Variants in PML observed in about 807,000 individuals in gnomAD.
The protein encoded by PML is protein PML.
Under a neutral mutation model 65.2 loss-of-function variants are expected in PML, and 28 were observed. The observed-to-expected ratio is 0.43, with a 90% CI of 0.32 to 0.59. The LOEUF (loss-of-function observed/expected upper bound fraction) is 0.59, where lower values mean the gene tolerates loss of function less well. Among genes scored for constraint, PML ranks in the 20% least tolerant of loss-of-function variants. PML has a pLI of 0.08. For missense variants in PML, 1,021 were observed against 1,203.4 expected, an observed-to-expected ratio of 0.85 and a Z score of 2.24; for synonymous variants, 500 against 508.8, an observed-to-expected ratio of 0.98 and a Z score of 0.23.
rs2141895954 is a variant in PML at position 74,042,453 on chromosome 15, A to G, written c.1711-536A>G. ...TCCAAAGAATCATCTGGGGTTCAAG[A>G]TGAGGCTTCTTTCTCCCGTCCCAAG... On this transcript the variant is annotated intron_variant, in intron 7 of 8. Transcript: ENST00000268058. This position sits in a 1 kb window ranked among gnomAD's most constrained non-coding sequence, Gnocchi z 5.3. 1 of 985,398 alleles carries G rather than the reference A, an allele frequency of 1.0e-6. No homozygotes were observed. The allele number at this position is 985,398 out of a possible 1,614,324, so 61.0% of individuals were successfully genotyped here.
chr15:74,039,528 C>CA (rs1356724555), intron 7 of PML, among the ~76,000 whole-genome samples: 7 of 152,160 alleles, frequency 4.6e-5, no homozygotes, highest in African/African-American at 1.7e-4. Flanking sequence ...TGCTGACTAT[C>CA]AGAGTTTGGC....
intron 5 of PML, 110 bp from the exon 6 acceptor site, chr15:74,033,046 A>G: frequency 1.7e-6 from 2 of 1,147,272 alleles, no homozygotes; most frequent in South Asian, 2.5e-5. Flanking sequence ...AGCAGAGGAG[A>G]GGGGACAGCA....
chr15:74,030,316 T>C (rs2071261859), intron 4 of PML, among the ~76,000 whole-genome samples: 1 of 151,826 alleles, frequency 6.6e-6, no homozygotes, highest in South Asian at 2.1e-4. Flanking sequence ...GTAAAGAAAA[T>C]GAAGAGCACG....
chr15:74,002,189 T>C (rs1036185357), intron 2 of PML, among the ~76,000 whole-genome samples: 2 of 152,114 alleles, frequency 1.3e-5, no homozygotes, highest in Non-Finnish European at 2.9e-5. Context: ...GAGTTCTACA[T>C]CTAAGACTAT....
chr15:74,034,723 A>G (rs1332149834), intron 7 of PML, 193 bp downstream of exon 7: 2 of 1,508,580 alleles, frequency 1.3e-6, no homozygotes, highest in Admixed American at 2.1e-5. Flanking sequence ...CAGCCCTCCC[A>G]CTACACCAGG....
At chr15:74,013,451 C>T (rs756665580) in intron 2 of PML, among the ~76,000 whole-genome samples, 16 of 152,224 alleles carry the variant, frequency 1.1e-4, no homozygotes, top group Non-Finnish European at 2.1e-4. Context: ...ATTTATGTCA[C>T]ACAAGGAGTT....
chr15:74,010,822 G>C (rs2070302316), intron 2 of PML, among the ~76,000 whole-genome samples: 1 of 152,228 alleles, frequency 6.6e-6, no homozygotes, highest in South Asian at 2.1e-4. Flanking sequence ...TGCTGTGGCA[G>C]TTTTCAGAAG....
chr15:74,041,177 G>A (rs1386658859), intron 7 of PML, among the ~76,000 whole-genome samples: 1 of 152,222 alleles, frequency 6.6e-6, no homozygotes, highest in East Asian at 1.9e-4. Flanking sequence ...TCAGTGGGTG[G>A]CAGCATGGAC....
intron 2 of PML, among the ~76,000 whole-genome samples, chr15:74,012,203 T>A (rs756217901): frequency 2.0e-5 from 3 of 152,020 alleles, no homozygotes; most frequent in Non-Finnish European, 2.9e-5. Context: ...TGAAACAGAG[T>A]CTCGCTCTGT....
In PML at chr15:74,042,872, G is replaced by A; in HGVS notation, c.1711-117G>A. 6.3e-7 allele frequency: 1 copy of A among 1,590,214 alleles called. No homozygotes were observed. The highest frequency in any genetic ancestry group is 1.1e-5 in the South Asian group (1 of 88,732). On this transcript the variant is annotated intron_variant, in intron 7 of 8. Transcript: ENST00000268058. This position sits in a 1 kb window ranked among gnomAD's most constrained non-coding sequence, Gnocchi z 5.3. ...TGTGCACACGTCCCCTTTCCCAGTGGTACACCCTCCTTCATGTGCACGCAG... is the reference window on the plus strand; with the variant it reads ...TGTGCACACGTCCCCTTTCCCAGTGATACACCCTCCTTCATGTGCACGCAG...
At position 74,045,440 on chromosome 15, in the gene PML, G is replaced by A. The variant is rs2071761669; in HGVS notation, c.*432G>A. 1.2e-5 allele frequency: 3 copies of A among 251,292 alleles called. No individual in the cohort carries two copies. Among genetic ancestry groups the A allele is most frequent in the Non-Finnish European group, 2.3e-5 (3 of 130,312 alleles). 15.6% of individuals were successfully genotyped at this position (251,292 alleles called of 1,614,324 possible). On this transcript the variant is annotated 3_prime_UTR_variant, in exon 9 of 9. Coordinates refer to ENST00000268058, the MANE Select transcript of PML (RefSeq NM_033238.3). The stretch of plus-strand genomic sequence containing the variant: ...ACACAGAACAGTCTGAGGTGATGCT[G>A]GCTACAGCCCTGGCAGCCCATGGCA...
Position 74,046,965 on chromosome 15 carries a change from G to T in PML, c.*1957G>T, listed in dbSNP as rs552760337. On this transcript the variant is annotated 3_prime_UTR_variant, in exon 9 of 9. Transcript: ENST00000268058. ...TGTTGCTCAATGCTGTGAGCCTTAA[G>T]CATGTGAATCCCCCCACATGACAAG... 8.7e-6 allele frequency: 2 copies of T among 229,800 alleles called. No homozygotes were observed. Among genetic ancestry groups the T allele is most frequent in the African/African-American group, 4.4e-5 (2 of 45,258 alleles). 14.2% of individuals were successfully genotyped at this position (229,800 alleles called of 1,614,324 possible). A position where few individuals can be genotyped will look rare whatever the true frequency, so the allele number is the denominator to read the frequency against.
At chr15:73,995,075 C>T (rs1183893806) in intron 1 of PML, 134 bp downstream of exon 1, 1 of 821,680 alleles carries the variant, frequency 1.2e-6, no homozygotes, top group Non-Finnish European at 1.9e-6. Flanking sequence ...AGTCCAGACA[C>T]CAGGGTCCTG....
chr15:73,999,899 ATC>A (rs1202466900), intron 2 of PML, among the ~76,000 whole-genome samples: 1 of 142,068 alleles, frequency 7.0e-6, no homozygotes, highest in African/African-American at 2.7e-5. Flanking sequence ...CAGTGGCGCG[ATC>A]TCGGCTCACT....
intron 2 of PML, among the ~76,000 whole-genome samples, chr15:74,004,208 C>T (rs940668799): frequency 9.2e-5 from 14 of 152,208 alleles, no homozygotes; most frequent in African/African-American, 3.1e-4. Context: ...CTCCTGGGCT[C>T]AAGCAATCCT....
Position 74,045,772 on chromosome 15 carries a change from C to G in PML, c.*764C>G, listed in dbSNP as rs1200429592. On this transcript the variant is annotated 3_prime_UTR_variant, in exon 9 of 9. Transcript: ENST00000268058. ...GCACTGCCCTCACCCTCAGCCGTCC[C>G]AAGGAGTGCCCAGCACTACTCAGCA... 2 of 233,088 alleles carry G rather than the reference C, an allele frequency of 8.6e-6. No individual in the cohort carries two copies. The highest frequency in any genetic ancestry group is 1.7e-5 in the Non-Finnish European group (2 of 118,140). 14.4% of individuals were successfully genotyped at this position (233,088 alleles called of 1,614,324 possible).
At chr15:74,020,803 T>C (rs1285829264) in intron 2 of PML, among the ~76,000 whole-genome samples, 2 of 152,144 alleles carry the variant, frequency 1.3e-5, no homozygotes, top group African/African-American at 2.4e-5. Flanking sequence ...CCTTGGTGCA[T>C]GGCCCCTTTC....
At chr15:74,027,228 T>C (rs1393668920) in intron 4 of PML, 1 of 152,188 alleles carries the variant, frequency 6.6e-6, no homozygotes, top group East Asian at 1.9e-4. Flanking sequence ...CAAACAATGC[T>C]ACAATGCATG....
chr15:74,022,327 T>C (rs1361457036), intron 2 of PML, among the ~76,000 whole-genome samples: 1 of 152,240 alleles, frequency 6.6e-6, no homozygotes, highest in Admixed American at 6.5e-5. Context: ...AGGTCAATCA[T>C]TTAACATGTT....
Sources: gnomAD v4.1 joint callset for allele counts (sites outside exome capture counted in the v4.1 genomes callset) on GRCh38, gnomAD v4.1.1 for gene constraint, Gnocchi (gnomAD v3.1) non-coding constraint, MANE v1.5 for transcripts, NCBI Gene and HGNC (gene_info 2026-07-23, HGNC 2026-07-21) for gene names.